GRM1: variants seen among roughly 807,000 people sequenced by gnomAD.
GRM1 encodes metabotropic glutamate receptor 1.
Under a neutral mutation model 90.9 loss-of-function variants are expected in GRM1, and 33 were observed. The ratio of observed to expected loss-of-function variants is 0.36; its 90% CI spans 0.28 to 0.49. GRM1 has a LOEUF of 0.49. Among genes scored for constraint, GRM1 ranks in the 20% least tolerant of loss-of-function variants. The pLI is 0.99. For missense variants in GRM1, 1,190 were observed against 1,534.3 expected (o/e 0.78, Z 3.75); for synonymous variants, 700 against 613.2 (o/e 1.14, Z -2.09).
At chr6:146,307,532 T>C (rs1000521072) in intron 3 of GRM1, among the ~76,000 whole-genome samples, 2 of 152,200 alleles carry the variant, frequency 1.3e-5, no homozygotes, top group Admixed American at 1.3e-4. Context: ...GCTTCAATGT[T>C]ATTGAAGAAC....
chr6:146,385,460 A>T (rs1392229337), intron 5 of GRM1, among the ~76,000 whole-genome samples: 5 of 151,970 alleles, frequency 3.3e-5, no homozygotes, highest in Non-Finnish European at 7.4e-5. Flanking sequence ...ACCAAGTGAA[A>T]ATGTTATTTT....
chr6:146,285,444 A>G (rs563014520), intron 2 of GRM1, among the ~76,000 whole-genome samples: 2 of 152,150 alleles, frequency 1.3e-5, no homozygotes, highest in Non-Finnish European at 2.9e-5. Flanking sequence ...CTGATTTGCT[A>G]GCTTCCAACT....
chr6:146,284,278 T>A (rs1782682360), intron 2 of GRM1, among the ~76,000 whole-genome samples: 1 of 152,294 alleles, frequency 6.6e-6, no homozygotes, highest in East Asian at 1.9e-4. Context: ...AACCTTGAAG[T>A]TATCTTTTAA....
At chr6:146,260,070 T>A (rs2114788556) in intron 2 of GRM1, among the ~76,000 whole-genome samples, 1 of 152,026 alleles carries the variant, frequency 6.6e-6, no homozygotes, top group East Asian at 1.9e-4. Context: ...GCAGGTTTGT[T>A]ACATAGGTAT....
chr6:146,308,245 T>C (rs1396654768), intron 3 of GRM1, among the ~76,000 whole-genome samples: 1 of 152,206 alleles, frequency 6.6e-6, no homozygotes, highest in Non-Finnish European at 1.5e-5. Flanking sequence ...GCCGCACGAC[T>C]TGCATGACCT....
chr6:146,130,867 T>C (rs1345366146), intron 1 of GRM1, among the ~76,000 whole-genome samples: 1 of 152,188 alleles, frequency 6.6e-6, no homozygotes, highest in East Asian at 1.9e-4. Flanking sequence ...CGAAAATTTA[T>C]CTACCATCAT....
chr6:146,159,604 TTC>T lies in GRM1; in HGVS notation c.950+44_950+45del, dbSNP rs72225459. On this transcript the variant is annotated splice_region_variant and intron_variant, in intron 2 of 7. Coordinates refer to ENST00000282753, the MANE Select transcript of GRM1 (RefSeq NM_001278064.2). ...AGTTCTCACTCATTGGAAGGTAAGT[TTC>T]TCTCTCTCTCTCTCTCTCTCTCTCT... 0.31 allele frequency: 370,145 copies of T among 1,184,772 alleles called. 27,089 individuals are homozygous for T. The highest frequency in any genetic ancestry group is 0.44 in the Admixed American group (23,295 of 52,562). The allele number at this position is 1,184,772 out of a possible 1,614,324, so 73.4% of individuals were successfully genotyped here.
At chr6:146,124,711 A>G (rs979561413) in intron 1 of GRM1, among the ~76,000 whole-genome samples, 2 of 152,172 alleles carry the variant, frequency 1.3e-5, no homozygotes, top group Non-Finnish European at 2.9e-5. Context: ...TAAACAAAAC[A>G]GTTAAATGAT....
intron 2 of GRM1, among the ~76,000 whole-genome samples, chr6:146,182,051 G>A (rs1778569782): frequency 6.6e-6 from 1 of 152,106 alleles, no homozygotes; most frequent in Non-Finnish European, 1.5e-5. Flanking sequence ...CATTTCCACA[G>A]CTTACCTAAG....
intron 3 of GRM1, among the ~76,000 whole-genome samples, chr6:146,307,010 T>A (rs1332718798): frequency 6.6e-6 from 1 of 152,244 alleles, no homozygotes; most frequent in Non-Finnish European, 1.5e-5. Context: ...TTCAGGATAC[T>A]ACTTATGCTT....
intron 1 of GRM1, among the ~76,000 whole-genome samples, chr6:146,152,397 G>C (rs537735727): frequency 1.3e-5 from 2 of 151,440 alleles, no homozygotes; most frequent in African/African-American, 4.9e-5. Flanking sequence ...GATGACGGTA[G>C]TTTTTATTTT....
At chr6:146,405,321 C>T (rs142717640) in intron 7 of GRM1, among the ~76,000 whole-genome samples, 1 of 152,016 alleles carries the variant, frequency 6.6e-6, no homozygotes, top group Non-Finnish European at 1.5e-5. Flanking sequence ...CCGGGAAGAA[C>T]AAACATTAGG....
intron 1 of GRM1, among the ~76,000 whole-genome samples, chr6:146,138,910 T>C (rs189157986): frequency 6.6e-6 from 1 of 152,170 alleles, no homozygotes; most frequent in Non-Finnish European, 1.5e-5. Context: ...TTAAGATGCA[T>C]ACTTAGGTTG....
At chr6:146,028,509 C>A (rs1172946293), upstream of GRM1, among the ~76,000 whole-genome samples, 1 of 151,634 alleles carries the variant, frequency 6.6e-6, no homozygotes, top group Non-Finnish European at 1.5e-5. Flanking sequence ...AAGCGCAGGA[C>A]CCCCCCTAAC....
chr6:146,151,025 TAA>T (rs1406691940), intron 1 of GRM1, among the ~76,000 whole-genome samples: 2 of 151,388 alleles, frequency 1.3e-5, no homozygotes, highest in Admixed American at 6.6e-5. Flanking sequence ...GAAGGAGAAA[TAA>T]AGACTTTCCA....
At chr6:146,240,197 C>T (rs976091448) in intron 2 of GRM1, among the ~76,000 whole-genome samples, 1 of 151,866 alleles carries the variant, frequency 6.6e-6, no homozygotes, top group Non-Finnish European at 1.5e-5. Flanking sequence ...CACTTCAGGG[C>T]CATGTAGAAC....
intron 1 of GRM1, among the ~76,000 whole-genome samples, chr6:146,082,182 G>A (rs1776385099): frequency 6.6e-6 from 1 of 152,088 alleles, no homozygotes; most frequent in African/African-American, 2.4e-5. Flanking sequence ...TTGAGACAGA[G>A]CCTTACACTG....
intron 1 of GRM1, among the ~76,000 whole-genome samples, chr6:146,074,100 C>T (rs960672010): frequency 6.6e-6 from 1 of 151,950 alleles, no homozygotes; most frequent in Non-Finnish European, 1.5e-5. Flanking sequence ...AAAGAGATAC[C>T]GAGATAAAAA....
intron 2 of GRM1, among the ~76,000 whole-genome samples, chr6:146,300,521 G>A (rs981366921): frequency 6.6e-6 from 1 of 152,070 alleles, no homozygotes; most frequent in Admixed American, 6.6e-5. Context: ...ATATTGAGGG[G>A]GAATAGGAAA....
Sources: gnomAD v4.1 joint callset for allele counts (sites outside exome capture counted in the v4.1 genomes callset) on GRCh38, gnomAD v4.1.1 for gene constraint, MANE v1.5 for transcripts, NCBI Gene and HGNC (gene_info 2026-07-23, HGNC 2026-07-21) for gene names.